The following MYH11 variants were observed in gnomAD, a reference collection of about 807,000 sequenced individuals.
MYH11 encodes myosin-11.
In MYH11, 80 loss-of-function variants were observed where a neutral mutation model predicts 246.6. The ratio of observed to expected loss-of-function variants is 0.32; its 90% CI spans 0.27 to 0.39. MYH11 has a LOEUF of 0.39. Ranked by LOEUF, MYH11 falls within the 10% of genes least tolerant of loss-of-function variation. The probability of loss-of-function intolerance (pLI) is 1.00; values close to 1 mark genes in which losing one functional copy is unlikely to be tolerated. For synonymous variants in MYH11, 1,071 were observed against 1,015.5 expected (o/e 1.05, Z -1.04); for missense variants, 2,158 against 2,546.8 (o/e 0.85, Z 3.29).
intron 2 of MYH11, among the ~76,000 whole-genome samples, chr16:15,835,944 C>T (rs1260740089): frequency 6.6e-6 from 1 of 151,748 alleles, no homozygotes; most frequent in Non-Finnish European, 1.5e-5. Context: ...GAGATGGGGT[C>T]TCGTTGTGTT....
At chr16:15,782,273 A>G in intron 6 of MYH11, 112 bp downstream of exon 6, 1 of 859,828 alleles carries the variant, frequency 1.2e-6, no homozygotes, top group Admixed American at 1.7e-5. Context: ...GATACAGCCC[A>G]TCTCTCCAGG....
intron 2 of MYH11, among the ~76,000 whole-genome samples, chr16:15,831,908 A>G (rs925234071): frequency 2.0e-5 from 3 of 152,062 alleles, no homozygotes; most frequent in African/African-American, 7.2e-5. Context: ...ACTGCTCTCC[A>G]GCCTGCGTGA....
At chr16:15,717,473 C>A in intron 37 of MYH11, 125 bp from the exon 38 acceptor site, 1 of 931,564 alleles carries the variant, frequency 1.1e-6, no homozygotes, top group Non-Finnish European at 1.6e-6. Context: ...ACCCTGTCCT[C>A]TCCTTCATCC....
chr16:15,718,874 T>G (rs2040314599), intron 36 of MYH11: 1 of 414,334 alleles, frequency 2.4e-6, no homozygotes, highest in Non-Finnish European at 4.5e-6. Context: ...ACACCTGTAA[T>G]CACAGCACTT....
intron 3 of MYH11, among the ~76,000 whole-genome samples, chr16:15,806,273 C>G (rs1357601794): frequency 1.0e-5 from 1 of 95,492 alleles, no homozygotes; most frequent in African/African-American, 4.2e-5. Context: ...GTGAGACACT[C>G]TGTCTCAAAA....
intron 2 of MYH11, among the ~76,000 whole-genome samples, chr16:15,831,865 G>C (rs994511915): frequency 6.6e-6 from 1 of 152,072 alleles, no homozygotes; most frequent in African/African-American, 2.4e-5. Context: ...TTGAACTCAG[G>C]AAATGGAGGT....
At chr16:15,784,809 C>A in intron 5 of MYH11, 2 of 1,452,158 alleles carry the variant, frequency 1.4e-6, no homozygotes, top group East Asian at 2.3e-5. Flanking sequence ...CTTTGATCCC[C>A]CCAAACAGCC....
At chr16:15,807,708 C>A (rs746250363) in intron 3 of MYH11, among the ~76,000 whole-genome samples, 7 of 152,130 alleles carry the variant, frequency 4.6e-5, no homozygotes, top group Admixed American at 6.5e-5. Flanking sequence ...CATGTCACCT[C>A]ACACCCCATC....
intron 1 of MYH11, among the ~76,000 whole-genome samples, chr16:15,853,675 G>A (rs937439445): frequency 6.6e-6 from 1 of 152,178 alleles, no homozygotes; most frequent in Admixed American, 6.5e-5. Flanking sequence ...AAGGTCAGGA[G>A]TGGAAGGAGA....
At position 15,737,672 on chromosome 16, in the gene MYH11, G is replaced by A. The variant is rs774412780; in HGVS notation, c.3122-52C>T. On this transcript the variant is annotated intron_variant, in intron 24 of 40. Coordinates refer to ENST00000300036, the MANE Select transcript of MYH11 (RefSeq NM_002474.3). ...AAGGGGAGGCCCCAGAGAGATGCCCGGAAATGAGCCTTCCTGCCCAGGCAT... is the reference window on the plus strand; with the variant it reads ...AAGGGGAGGCCCCAGAGAGATGCCCAGAAATGAGCCTTCCTGCCCAGGCAT... 259 of 1,597,188 alleles carry A rather than the reference G, an allele frequency of 1.6e-4. 1 individual carries two copies. The highest frequency in any genetic ancestry group is 6.6e-4 in the Middle Eastern group (4 of 6,054).
At position 15,745,241 on chromosome 16, in the gene MYH11, G is replaced by A. The variant is rs750313377; in HGVS notation, c.2412-4C>T. On this transcript the variant is annotated splice_region_variant and splice_polypyrimidine_tract_variant and intron_variant, in intron 19 of 40. Transcript: ENST00000300036. ...CTGCTGCCTCTTGGCAAAAGCCCTA[G>A]GGAGGGGGGAAGAGAAGGTGCGGGG... is the stretch of plus-strand genomic sequence containing the variant. 4.3e-6 allele frequency: 7 copies of A among 1,612,138 alleles called. No homozygotes were observed. Among genetic ancestry groups the A allele is most frequent in the East Asian group, 2.2e-5 (1 of 44,864 alleles).
At position 15,719,724 on chromosome 16, in the gene MYH11, C is replaced by T. The variant is rs752294147; in HGVS notation, c.4954-11G>A. On this transcript the variant is annotated splice_polypyrimidine_tract_variant and intron_variant, in intron 34 of 40. Coordinates refer to ENST00000300036, the MANE Select transcript of MYH11 (RefSeq NM_002474.3). The stretch of plus-strand genomic sequence containing the variant: ...GTCCTTCATCTGAGCCTGCATGAGT[C>T]AACAGGGAGGACAAGCTCAGATGTC... 3 of 1,614,090 alleles carry T rather than the reference C, an allele frequency of 1.9e-6. No individual in the cohort carries two copies. The East Asian group carries it at 6.7e-5, about 36-fold the overall frequency.
chr16:15,794,185 A>T (rs1347550087), intron 4 of MYH11, among the ~76,000 whole-genome samples: 1 of 151,340 alleles, frequency 6.6e-6, no homozygotes, highest in Non-Finnish European at 1.5e-5. Flanking sequence ...TGACCTCGTG[A>T]TCCGCCCGCC....
At chr16:15,718,136 A>C (rs1421623349) in intron 37 of MYH11, 179 bp downstream of exon 37, 1 of 955,800 alleles carries the variant, frequency 1.0e-6, no homozygotes, top group Admixed American at 2.1e-5. Flanking sequence ...TATTCTGAAG[A>C]CAGCAGCCTG....
chr16:15,741,428 G>A, intron 22 of MYH11, 35 bp downstream of exon 22: 1 of 1,600,588 alleles, frequency 6.2e-7, no homozygotes, highest in Non-Finnish European at 8.5e-7. Context: ...CAAGTGATTT[G>A]CTACCCACCA....
chr16:15,759,754 G>T (rs747857568), intron 11 of MYH11, 26 bp from the exon 12 acceptor site: 1 of 1,613,202 alleles, frequency 6.2e-7, no homozygotes, highest in East Asian at 2.2e-5. Context: ...AGGGGAACCC[G>T]GTTATTCTCA....
At chr16:15,709,350 A>C in intron 40 of MYH11, among the ~76,000 whole-genome samples, 1 of 151,010 alleles carries the variant, frequency 6.6e-6, no homozygotes, top group East Asian at 2.0e-4. Context: ...ATACTCTGTC[A>C]CCCAGGATGG....
chr16:15,836,553 T>C (rs7188366), intron 2 of MYH11, among the ~76,000 whole-genome samples: 3,910 of 145,114 alleles, frequency 0.027, 168 homozygotes, highest in African/African-American at 0.093. Flanking sequence ...GCGCACACCA[T>C]CATGCCCAGC....
chr16:15,852,681 A>T (rs2044360868), intron 1 of MYH11, among the ~76,000 whole-genome samples: 1 of 152,106 alleles, frequency 6.6e-6, no homozygotes, highest in South Asian at 2.1e-4. Flanking sequence ...TATTAATTTT[A>T]GATACGCATG....
Sources: allele counts gnomAD v4.1 joint callset (sites outside exome capture counted in the v4.1 genomes callset), GRCh38; gene constraint gnomAD v4.1.1; transcripts MANE v1.5; gene names NCBI Gene and HGNC (gene_info 2026-07-23, HGNC 2026-07-21).